The following ZNF175 variants were observed in gnomAD, a reference collection of about 807,000 sequenced individuals.
ZNF175 encodes zinc finger protein OTK18.
In ZNF175, 8 loss-of-function variants were observed where a neutral mutation model predicts 14.0. The observed-to-expected ratio is 0.57, with a 90% CI of 0.34 to 1.03. The LOEUF (loss-of-function observed/expected upper bound fraction) is 1.03, where lower values mean the gene tolerates loss of function less well. ZNF175 is among the 50% of genes least tolerant of loss of function. ZNF175 has a pLI of 0.03. For missense variants in ZNF175, 764 were observed against 849.5 expected (o/e 0.90, Z 1.25); for synonymous variants, 255 against 296.8 (o/e 0.86, Z 1.45).
chr19:51,588,306 A>G lies in ZNF175; in HGVS notation c.1975A>G (p.Lys659Glu), dbSNP rs780442876. The change falls in exon 5 of 5, where the codon AAG (lysine) becomes GAG (glutamate). Residue 659 changes from lysine (K) to glutamate (E), a missense_variant. Physicochemically the swap from Lys to Glu is moderately conservative, Grantham distance 56 (BLOSUM62 1). Coordinates refer to ENST00000262259, the MANE Select transcript of ZNF175 (RefSeq NM_007147.4). ...GKSFSKKPQL[K>E]VHQRIHTGER... ...ATCGTTCAGTAAGAAACCACAACTCAAGGTGCATCAGCGAATTCACACGGG... is the reference window on the plus strand; with the variant it reads ...ATCGTTCAGTAAGAAACCACAACTCGAGGTGCATCAGCGAATTCACACGGG... The G allele has an allele frequency of 1.1e-4, 171 of 1,613,984 alleles. No homozygotes were observed. The highest frequency in any genetic ancestry group is 1.4e-4 in the Non-Finnish European group (164 of 1,180,014).
chr19:51,583,504 C>T (rs1269142569), intron 4 of ZNF175, among the ~76,000 whole-genome samples: 1 of 151,862 alleles, frequency 6.6e-6, no homozygotes, highest in Non-Finnish European at 1.5e-5. Context: ...AAAAAGTGAC[C>T]CTTTTTCTTA....
Position 51,581,866 on chromosome 19 carries a change from A to T in ZNF175, c.279A>T (p.Ser93=), listed in dbSNP as rs1399006556. The T allele has an allele frequency of 1.2e-6, 2 of 1,613,186 alleles. No individual in the cohort carries two copies. Among genetic ancestry groups the T allele is most frequent in the African/African-American group, 2.7e-5 (2 of 74,888 alleles). ...KEPRVEEAEV[S]HQRCQEREFG... ...CGCGTGTGGAGGAGGCTGAAGTCTC[A>T]CATCAGAGGTGTCAAGGTGAGTAAG... The change falls in exon 4 of 5, where the codon TCA becomes TCT. Residue 93 remains serine (S), a synonymous_variant. Coordinates refer to ENST00000262259, the MANE Select transcript of ZNF175 (RefSeq NM_007147.4).
chr19:51,582,119 T>C (rs1349303552), intron 4 of ZNF175, among the ~76,000 whole-genome samples: 1 of 152,192 alleles, frequency 6.6e-6, no homozygotes, highest in Non-Finnish European at 1.5e-5. Context: ...TGGAGATAAG[T>C]ATACTTGACT....
intron 2 of ZNF175, among the ~76,000 whole-genome samples, chr19:51,580,341 A>G (rs1473729472): frequency 5.3e-5 from 8 of 152,200 alleles, no homozygotes; most frequent in African/African-American, 1.9e-4. Context: ...TCCTTGTGAT[A>G]AAATTGATGA....
intron 1 of ZNF175, among the ~76,000 whole-genome samples, chr19:51,572,170 A>G (rs754125517): frequency 2.4e-4 from 36 of 152,146 alleles, no homozygotes; most frequent in Non-Finnish European, 4.6e-4. Context: ...AAACCAGAAA[A>G]TTGTGCTCGC....
rs1491081799 is a variant in ZNF175 at position 51,575,208 on chromosome 19, G to GTTTTTTTTTTTTTTTTTT, written c.72+1807_72+1808insTTTTTTTTTTTTTTTTTT. Among the ~76,000 whole-genome samples, 3 of 99,202 alleles carry GTTTTTTTTTTTTTTTTTT rather than the reference G, an allele frequency of 3.0e-5. 1 individual carries two copies. Among genetic ancestry groups the GTTTTTTTTTTTTTTTTTT allele is most frequent in the Non-Finnish European group, 5.8e-5 (3 of 52,136 alleles). 65.1% of individuals were successfully genotyped at this position (99,202 alleles called of 152,430 possible). A position where few individuals can be genotyped will look rare whatever the true frequency, so the allele number is the denominator to read the frequency against. On this transcript the variant is annotated intron_variant, in intron 2 of 4. Coordinates refer to ENST00000262259, the MANE Select transcript of ZNF175 (RefSeq NM_007147.4). ...GGTTTAGCCTCCGGATTTTTAGAGA[G>GTTTTTTTTTTTTTTTTTT]GTTTTTTTTTTTTTTTTTTTTTTTT...
At chr19:51,579,288 G>C (rs1039364332) in intron 2 of ZNF175, among the ~76,000 whole-genome samples, 1 of 148,776 alleles carries the variant, frequency 6.7e-6, no homozygotes, top group African/African-American at 2.5e-5. Flanking sequence ...GGACATGGTA[G>C]TGCACGCCTG....
rs541222804 is a variant in ZNF175, at chr19:51,577,733, G to A, written c.73-3658G>A. ...GGCTGGAGTGCAGTGGCACGATCTT[G>A]GCTCACTGCAAGCTCCGCCTCCCGG... On this transcript the variant is annotated intron_variant, in intron 2 of 4. Transcript: ENST00000262259. Among the ~76,000 whole-genome samples, 586 of 136,826 alleles carry A rather than the reference G, an allele frequency of 4.3e-3. 3 individuals are homozygous for A. Among genetic ancestry groups the A allele is most frequent in the South Asian group, 9.4e-3 (41 of 4,358 alleles). 89.8% of individuals were successfully genotyped at this position (136,826 alleles called of 152,430 possible). A position where few individuals can be genotyped will look rare whatever the true frequency, so the allele number is the denominator to read the frequency against.
At chr19:51,579,410 G>A (rs1981922952) in intron 2 of ZNF175, among the ~76,000 whole-genome samples, 1 of 152,086 alleles carries the variant, frequency 6.6e-6, no homozygotes, top group Non-Finnish European at 1.5e-5. Flanking sequence ...AACAGAGTGA[G>A]ATTCTATCTC....
chr19:51,575,754 T>A (rs544367382), intron 2 of ZNF175, among the ~76,000 whole-genome samples: 46 of 152,322 alleles, frequency 3.0e-4, no homozygotes, highest in Middle Eastern at 3.4e-3. Context: ...TATTGCTGCC[T>A]CTTGGATTGT....
rs1302314232 is a variant in ZNF175 at position 51,589,145 on chromosome 19, A to G, written c.*678A>G. 2.0e-5 allele frequency: 4 copies of G among 198,204 alleles called. No individual in the cohort carries two copies. The highest frequency in any genetic ancestry group is 4.0e-5 in the Non-Finnish European group (4 of 99,660). The allele number at this position is 198,204 out of a possible 1,614,324, so 12.3% of individuals were successfully genotyped here. ...GTCATGTTAGAGTTCAAAAAGTTTC[A>G]GATTTTGGGTTTTCAGATTAGGAAT... On this transcript the variant is annotated 3_prime_UTR_variant, in exon 5 of 5. Transcript: ENST00000262259.
At chr19:51,578,494 G>A (rs574928180) in intron 2 of ZNF175, among the ~76,000 whole-genome samples, 19 of 152,308 alleles carry the variant, frequency 1.2e-4, no homozygotes, top group African/African-American at 4.6e-4. Flanking sequence ...ACGGCTGGGC[G>A]TGGTGGCTTA....
rs371013231 is a variant in ZNF175 at position 51,586,859 on chromosome 19, G to A, written c.528G>A (p.Lys176=). ...TLNTESNCEY[K]DPGKMIRTRP... is the part of the protein sequence containing the mutation. ...ACACAGAAAGCAATTGTGAATATAA[G>A]GACCCTGGGAAAATGATTCGCACGA... Residue 176 remains lysine (K), a synonymous_variant, in exon 5 of 5, where the codon AAG becomes AAA. Transcript: ENST00000262259. The A allele has an allele frequency of 1.3e-5, 21 of 1,614,052 alleles. No homozygotes were observed. The highest frequency in any genetic ancestry group is 1.8e-5 in the Non-Finnish European group (21 of 1,180,016).
chr19:51,588,552 T>A lies in ZNF175; in HGVS notation c.*85T>A. The A allele has an allele frequency of 2.1e-6, 3 of 1,410,944 alleles. No homozygotes were observed. Among genetic ancestry groups the A allele is most frequent in the Non-Finnish European group, 2.8e-6 (3 of 1,066,140 alleles). The allele number at this position is 1,410,944 out of a possible 1,614,324, so 87.4% of individuals were successfully genotyped here. A position where few individuals can be genotyped will look rare whatever the true frequency, so the allele number is the denominator to read the frequency against. ...AAAATCTTCTCAGAATCAGGTCTAA[T>A]TATATGTTATTGAATTCATGCTTCA... On this transcript the variant is annotated 3_prime_UTR_variant, in exon 5 of 5. Transcript: ENST00000262259.
Position 51,573,078 on chromosome 19 carries a change from C to A in ZNF175, c.-180-72C>A. The A allele has an allele frequency of 4.1e-6, 2 of 484,990 alleles. 1 individual carries two copies. Among genetic ancestry groups the A allele is most frequent in the South Asian group, 5.8e-5 (2 of 34,406 alleles). 30.0% of individuals were successfully genotyped at this position (484,990 alleles called of 1,614,324 possible). ...TCCAATGTCTGACACAGTGACTTCACCTCAGTGCCCTCAGGAAATATTTGT... is the reference window on the plus strand; with the variant it reads ...TCCAATGTCTGACACAGTGACTTCAACTCAGTGCCCTCAGGAAATATTTGT... On this transcript the variant is annotated intron_variant, in intron 1 of 4. Coordinates refer to ENST00000262259, the MANE Select transcript of ZNF175 (RefSeq NM_007147.4).
intron 2 of ZNF175, among the ~76,000 whole-genome samples, chr19:51,579,251 CAAAAAAAAA>C (rs34198978): frequency 1.2e-4 from 7 of 58,100 alleles, no homozygotes; most frequent in African/African-American, 3.8e-4. Flanking sequence ...GACTCCATCT[CAAAAAAAAA>C]AAAAAAAAAA....
At chr19:51,577,665 T>C (rs201018605) in intron 2 of ZNF175, among the ~76,000 whole-genome samples, 32 of 143,450 alleles carry the variant, frequency 2.2e-4, no homozygotes, top group Middle Eastern at 6.9e-3. Context: ...TTCTCTCTCT[T>C]TTTTTTTTTT....
intron 2 of ZNF175, among the ~76,000 whole-genome samples, chr19:51,577,137 C>A (rs1006527465): frequency 6.6e-6 from 1 of 152,130 alleles, no homozygotes; most frequent in Non-Finnish European, 1.5e-5. Flanking sequence ...ATGAAAATGT[C>A]ACGCCAAAAA....
chr19:51,582,210 A>G (rs542359293), intron 4 of ZNF175, among the ~76,000 whole-genome samples: 2 of 152,350 alleles, frequency 1.3e-5, no homozygotes, highest in African/African-American at 4.8e-5. Flanking sequence ...GCATTTGCAC[A>G]TCTTGCTTGC....
Sources: allele counts gnomAD v4.1 joint callset (sites outside exome capture counted in the v4.1 genomes callset), GRCh38; gene constraint gnomAD v4.1.1; transcripts MANE v1.5; gene names NCBI Gene and HGNC (gene_info 2026-07-23, HGNC 2026-07-21).